The following PDE4D variants were observed in gnomAD, a reference collection of about 807,000 sequenced individuals.
PDE4D encodes the protein 3',5'-cyclic-AMP phosphodiesterase 4D.
PDE4D carries 24 observed loss-of-function variants against 87.4 expected under a neutral mutation model. The ratio of observed to expected loss-of-function variants is 0.27; its 90% CI spans 0.20 to 0.39. PDE4D has a LOEUF of 0.39. PDE4D is among the 10% of genes least tolerant of loss of function. The pLI, the probability that PDE4D is intolerant of heterozygous loss-of-function variation, is 1.00. For synonymous variants in PDE4D, 384 were observed against 383.2 expected (o/e 1.00, Z -0.02); for missense variants, 714 against 1,041.0 (o/e 0.69, Z 4.32).
At position 59,000,014 on chromosome 5, in the gene PDE4D, A is replaced by G. The variant is rs150855382; in HGVS notation, c.922-6549T>C. 6,066 of 667,986 alleles carry G rather than the reference A, an allele frequency of 9.1e-3. 33 individuals are homozygous for G. The highest frequency in any genetic ancestry group is 0.01 in the Non-Finnish European group (5,625 of 540,126). The allele number at this position is 667,986 out of a possible 1,614,324, so 41.4% of individuals were successfully genotyped here. On this transcript the variant is annotated intron_variant, in intron 6 of 14. Transcript: ENST00000340635. ...CCAATTGCATTCCAGCTCTTAGCCT[A>G]TAAGGCGAGGGGGTGTGGCCTCGGT...
At chr5:60,284,965 G>A (rs1320990528) in intron 1 of PDE4D, among the ~76,000 whole-genome samples, 2 of 152,052 alleles carry the variant, frequency 1.3e-5, no homozygotes, top group African/African-American at 4.8e-5. Flanking sequence ...CTTACATCAA[G>A]AACATCCATT....
chr5:59,601,096 T>C (rs1209849444), intron 1 of PDE4D, among the ~76,000 whole-genome samples: 1 of 152,200 alleles, frequency 6.6e-6, no homozygotes, highest in Admixed American at 6.5e-5. Context: ...GTGGGTGTGC[T>C]TATATTAAAT....
In PDE4D at chr5:60,159,039, T is replaced by C. The variant is rs1232378041; in HGVS notation, c.42+26518A>G. ...TACAACTGTAGAAGAATATTTTCTT[T>C]CTTTATATCCTTATTCTGTAAGTTT... is the stretch of plus-strand genomic sequence containing the variant. On this transcript the variant is annotated intron_variant, in intron 2 of 16. Coordinates refer to the PDE4D transcript ENST00000502484. Among the ~76,000 whole-genome samples, 5 of 152,348 alleles carry C rather than the reference T, an allele frequency of 3.3e-5. No homozygotes were observed. The East Asian group carries it at 7.7e-4, about 23-fold the overall frequency.
At chr5:59,967,536 C>T (rs918784927) in intron 3 of PDE4D, among the ~76,000 whole-genome samples, 9 of 152,156 alleles carry the variant, frequency 5.9e-5, no homozygotes, top group African/African-American at 2.2e-4. Flanking sequence ...AAATGCAAAT[C>T]AAAACCACAA....
intron 1 of PDE4D, among the ~76,000 whole-genome samples, chr5:59,878,106 T>C (rs1006348073): frequency 3.9e-5 from 6 of 152,230 alleles, no homozygotes; most frequent in African/African-American, 1.4e-4. Flanking sequence ...AAAGTTCATT[T>C]GTCTTTATGA....
intron 1 of PDE4D, among the ~76,000 whole-genome samples, chr5:60,516,228 C>T (rs1211278675): frequency 6.6e-6 from 1 of 152,120 alleles, no homozygotes; most frequent in Non-Finnish European, 1.5e-5. Flanking sequence ...AATATGAGAA[C>T]AACAATGTAA....
At chr5:59,330,559 C>T (rs1048911883) in intron 1 of PDE4D, among the ~76,000 whole-genome samples, 1 of 152,168 alleles carries the variant, frequency 6.6e-6, no homozygotes. Context: ...TTCAAATCAC[C>T]AAGCTACCTT....
chr5:59,892,768 C>G (rs1297134341), intron 1 of PDE4D, among the ~76,000 whole-genome samples: 1 of 152,062 alleles, frequency 6.6e-6, no homozygotes, highest in Non-Finnish European at 1.5e-5. Context: ...CCCGCAAAAC[C>G]TTCACCTTCT....
At chr5:60,447,119 T>C (rs918183288) in intron 1 of PDE4D, among the ~76,000 whole-genome samples, 5 of 152,122 alleles carry the variant, frequency 3.3e-5, no homozygotes, top group Non-Finnish European at 7.4e-5. Context: ...CTCTCTAACA[T>C]GTGCTGATTG....
At chr5:60,109,782 A>G (rs1195516590) in intron 2 of PDE4D, among the ~76,000 whole-genome samples, 1 of 151,746 alleles carries the variant, frequency 6.6e-6, no homozygotes, top group East Asian at 1.9e-4. Context: ...AACACCGCAT[A>G]TTCTCACTCA....
At chr5:59,130,169 T>C (rs1776075874) in intron 5 of PDE4D, among the ~76,000 whole-genome samples, 1 of 152,184 alleles carries the variant, frequency 6.6e-6, no homozygotes, top group Non-Finnish European at 1.5e-5. Context: ...TTGGCCTGCA[T>C]TATGAATGCA....
intron 2 of PDE4D, among the ~76,000 whole-genome samples, chr5:59,213,625 T>C (rs1197338136): frequency 6.6e-6 from 1 of 152,108 alleles, no homozygotes; most frequent in Non-Finnish European, 1.5e-5. Flanking sequence ...TTCTTCCTAC[T>C]CCACCCATCA....
chr5:60,436,533 G>A (rs1397543861), intron 1 of PDE4D, among the ~76,000 whole-genome samples: 1 of 152,056 alleles, frequency 6.6e-6, no homozygotes, highest in Non-Finnish European at 1.5e-5. Flanking sequence ...TGTGTTCCAA[G>A]TAGAGTTCAA....
intron 1 of PDE4D, among the ~76,000 whole-genome samples, chr5:60,385,917 C>A (rs1447240526): frequency 6.6e-6 from 1 of 152,142 alleles, no homozygotes; most frequent in Non-Finnish European, 1.5e-5. Flanking sequence ...TGTGCCACTG[C>A]CCTGCCTTCT....
At chr5:59,178,773 T>G (rs958238889) in intron 5 of PDE4D, among the ~76,000 whole-genome samples, 4 of 152,184 alleles carry the variant, frequency 2.6e-5, no homozygotes, top group Non-Finnish European at 5.9e-5. Flanking sequence ...GGGACCAAAA[T>G]AGCACTGCAT....
chr5:59,941,617 T>A (rs1757190629), intron 3 of PDE4D, among the ~76,000 whole-genome samples: 1 of 152,222 alleles, frequency 6.6e-6, no homozygotes, highest in African/African-American at 2.4e-5. Context: ...GATGGATTAT[T>A]GCCCCCGCCA....
At chr5:59,858,801 C>A (rs1465228652) in intron 1 of PDE4D, among the ~76,000 whole-genome samples, 1 of 152,164 alleles carries the variant, frequency 6.6e-6, no homozygotes, top group Non-Finnish European at 1.5e-5. Context: ...TAGTCAATAT[C>A]TTTCAAATTA....
At chr5:59,793,996 T>C (rs1271166185) in intron 1 of PDE4D, among the ~76,000 whole-genome samples, 1 of 152,140 alleles carries the variant, frequency 6.6e-6, no homozygotes. Flanking sequence ...TTTGCCAATA[T>C]GGGACATTGC....
Position 59,578,315 on chromosome 5 carries a change from C to T in PDE4D, c.455+314853G>A, listed in dbSNP as rs947114402. Among the ~76,000 whole-genome samples the T allele has an allele frequency of 9.9e-5, 15 of 152,216 alleles. No individual in the cohort carries two copies. The East Asian group carries it at 2.9e-3, about 29-fold the overall frequency. On this transcript the variant is annotated intron_variant, in intron 1 of 14. Transcript: ENST00000340635. ...TAATATGTTCATAAAACAGTTTCCA[C>T]CACTACCAAATAAAACAACAACAAC...
Sources: gnomAD v4.1 joint callset for allele counts (sites outside exome capture counted in the v4.1 genomes callset) on GRCh38, gnomAD v4.1.1 for gene constraint, MANE v1.5 for transcripts, NCBI Gene and HGNC (gene_info 2026-07-23, HGNC 2026-07-21) for gene names.